The following ORC1 variants were observed in gnomAD, a reference collection of about 807,000 sequenced individuals.
The protein encoded by ORC1 is origin recognition complex subunit 1, also known as origin recognition complex, subunit 1 homolog.
A neutral mutation model predicts 98.9 loss-of-function variants in ORC1; 61 were observed. The ratio of observed to expected loss-of-function variants is 0.62; its 90% CI spans 0.50 to 0.76. ORC1 has a LOEUF of 0.76. ORC1 is among the 30% of genes least tolerant of loss of function. The probability of loss-of-function intolerance (pLI) is 0.00; values close to 1 mark genes in which losing one functional copy is unlikely to be tolerated. For missense variants in ORC1, 979 were observed against 1,072.2 expected, an observed-to-expected ratio of 0.91 and a Z score of 1.21; for synonymous variants, 385 against 406.9, an observed-to-expected ratio of 0.95 and a Z score of 0.65.
At chr1:52,408,478 A>G, upstream of ORC1, 16 of 1,547,592 alleles carry the variant, frequency 1.0e-5, no homozygotes, top group Non-Finnish European at 1.4e-5. Flanking sequence ...AGAGAAGAAC[A>G]TGTTTATCCA....
chr1:52,376,568 C>T (rs562472529), intron 14 of ORC1, among the ~76,000 whole-genome samples: 6 of 152,212 alleles, frequency 3.9e-5, no homozygotes, highest in Non-Finnish European at 8.8e-5. Flanking sequence ...TTTTTCCCTT[C>T]CTCTAATCCC....
chr1:52,385,078 T>C (rs1557574990), intron 10 of ORC1, 83 bp downstream of exon 10: 3 of 893,106 alleles, frequency 3.4e-6, no homozygotes, highest in Non-Finnish European at 5.8e-6. Flanking sequence ...AGAAAGCCTG[T>C]ATGGCTGAAC....
Position 52,401,345 on chromosome 1 carries a change from T to C in ORC1, c.223+17A>G. ...TTCATGACAAGGAATGGTTTATTAT[T>C]CCAGTCCCAAACTCACCATCTTCGA... On this transcript the variant is annotated intron_variant, in intron 3 of 16. Transcript: ENST00000371568. 1 of 1,613,754 alleles carries C rather than the reference T, an allele frequency of 6.2e-7. No individual in the cohort carries two copies.
intron 10 of ORC1, 133 bp from the exon 11 acceptor site, chr1:52,384,854 A>G: frequency 2.5e-6 from 2 of 801,968 alleles, no homozygotes; most frequent in South Asian, 1.5e-5. Flanking sequence ...GGCAGTAGGG[A>G]CCATCCTTGG....
chr1:52,384,023 A>G (rs1647108441), intron 11 of ORC1, 86 bp from the exon 12 acceptor site: 5 of 1,083,822 alleles, frequency 4.6e-6, no homozygotes, highest in Non-Finnish European at 5.7e-6. Flanking sequence ...GGAGGGAGGC[A>G]TTTAACCTGA....
chr1:52,375,320 A>G (rs1646979873), intron 15 of ORC1, 110 bp downstream of exon 15: 5 of 970,044 alleles, frequency 5.2e-6, no homozygotes, highest in Admixed American at 3.7e-5. Flanking sequence ...TAATGTCCCT[A>G]TGAAACATAA....
chr1:52,383,057 G>A (rs761405592), intron 13 of ORC1, among the ~76,000 whole-genome samples: 1 of 151,606 alleles, frequency 6.6e-6, no homozygotes, highest in Non-Finnish European at 1.5e-5. Flanking sequence ...ATTTATTTTA[G>A]TATTCATTTT....
chr1:52,378,075 G>A (rs12035530), intron 14 of ORC1, among the ~76,000 whole-genome samples: 13,126 of 152,230 alleles, frequency 0.086, 707 homozygotes, highest in African/African-American at 0.14. Context: ...GGCGGGGCGC[G>A]GTGGCTCACG....
At chr1:52,373,523 C>T (rs886524485) in intron 16 of ORC1, 148 bp from the exon 17 acceptor site, 2 of 702,926 alleles carry the variant, frequency 2.8e-6, no homozygotes, top group African/African-American at 1.8e-5. Flanking sequence ...CCCAGTGGTA[C>T]ACAAAATGCA....
chr1:52,375,392 C>G, intron 15 of ORC1, 38 bp downstream of exon 15: 1 of 1,583,106 alleles, frequency 6.3e-7, no homozygotes, highest in South Asian at 1.1e-5. Flanking sequence ...CATGTTTCTA[C>G]AGCCTTCCAG....
upstream of ORC1, chr1:52,408,858 C>G: frequency 1.4e-6 from 1 of 740,716 alleles, no homozygotes; most frequent in Non-Finnish European, 2.1e-6. Context: ...TTCAGTCTGA[C>G]TACTAGCTTC....
upstream of ORC1, chr1:52,404,517 C>T: frequency 2.1e-6 from 1 of 470,134 alleles, no homozygotes; most frequent in South Asian, 2.3e-5. Flanking sequence ...ACTCCGTACA[C>T]CTAAGAGGGG....
chr1:52,374,030 G>C (rs1004074300), intron 16 of ORC1, among the ~76,000 whole-genome samples: 2 of 152,172 alleles, frequency 1.3e-5, no homozygotes, highest in Non-Finnish European at 2.9e-5. Flanking sequence ...CCAAGACTGG[G>C]AGTTTGTCAG....
At chr1:52,392,610 G>A (rs563083935) in intron 6 of ORC1, among the ~76,000 whole-genome samples, 8 of 152,200 alleles carry the variant, frequency 5.3e-5, no homozygotes, top group African/African-American at 1.7e-4. Flanking sequence ...ACATGCACAC[G>A]CATGTTTATA....
chr1:52,405,566 C>G (rs1254148035), upstream of ORC1: 1 of 903,930 alleles, frequency 1.1e-6, no homozygotes, highest in Non-Finnish European at 1.7e-6. Context: ...CACATTCGTT[C>G]TCCTAATATT....
chr1:52,377,752 C>T (rs1196192099), intron 14 of ORC1, among the ~76,000 whole-genome samples: 1 of 148,540 alleles, frequency 6.7e-6, no homozygotes, highest in Non-Finnish European at 1.5e-5. Flanking sequence ...CAACTTCAAC[C>T]CAGGCCCCAA....
chr1:52,381,551 C>G, intron 14 of ORC1, 91 bp downstream of exon 14: 5 of 1,365,646 alleles, frequency 3.7e-6, no homozygotes, highest in Non-Finnish European at 5.1e-6. Flanking sequence ...AAATTTCTCT[C>G]CAACCTCAGA....
At chr1:52,384,817 C>T (rs1647122036) in intron 10 of ORC1, 96 bp from the exon 11 acceptor site, 1 of 1,132,520 alleles carries the variant, frequency 8.8e-7, no homozygotes, top group South Asian at 1.3e-5. Context: ...GAGGGAAGGA[C>T]CGAGACCCTT....
intron 4 of ORC1, 57 bp from the exon 5 acceptor site, chr1:52,396,421 G>A (rs1331096919): frequency 1.2e-6 from 2 of 1,608,120 alleles, no homozygotes; most frequent in Non-Finnish European, 1.7e-6. Flanking sequence ...GAGCCAAGGA[G>A]TATTCCATCA....
Sources: gnomAD v4.1 joint callset for allele counts (sites outside exome capture counted in the v4.1 genomes callset) on GRCh38, gnomAD v4.1.1 for gene constraint, MANE v1.5 for transcripts, NCBI Gene and HGNC (gene_info 2026-07-23, HGNC 2026-07-21) for gene names.